Variants in GSN observed in about 807,000 individuals in gnomAD.
GSN encodes the protein gelsolin, also known as actin-depolymerizing factor.
Under a neutral mutation model 85.7 loss-of-function variants are expected in GSN, and 56 were observed. The observed-to-expected ratio is 0.65, with a 90% CI of 0.53 to 0.82. The LOEUF (loss-of-function observed/expected upper bound fraction) is 0.82, where lower values mean the gene tolerates loss of function less well. Among genes scored for constraint, GSN ranks in the 40% least tolerant of loss-of-function variants. GSN has a pLI of 0.00. For synonymous variants in GSN, 373 were observed against 399.1 expected (o/e 0.93, Z 0.78); for missense variants, 857 against 979.8 (o/e 0.87, Z 1.67).
chr9:121,232,350 A>G (rs912983263), intron 5 of GSN, among the ~76,000 whole-genome samples: 2 of 152,172 alleles, frequency 1.3e-5, no homozygotes, highest in Admixed American at 6.5e-5. Flanking sequence ...CCTCACTATG[A>G]TTGCAAAAAT....
intron 12 of GSN, among the ~76,000 whole-genome samples, chr9:121,326,307 A>G (rs2063157871): frequency 6.6e-6 from 1 of 152,072 alleles, no homozygotes; most frequent in African/African-American, 2.4e-5. Flanking sequence ...GCCCAGCAGC[A>G]GTGCCCTGGG....
upstream of GSN, among the ~76,000 whole-genome samples, chr9:121,206,078 C>A (rs1178827961): frequency 6.6e-6 from 1 of 151,718 alleles, no homozygotes; most frequent in East Asian, 1.9e-4. Flanking sequence ...TGTCCCAATT[C>A]CTGAAGCAGT....
chr9:121,244,885 C>A (rs2054669209), intron 5 of GSN, among the ~76,000 whole-genome samples: 2 of 151,624 alleles, frequency 1.3e-5, no homozygotes, highest in African/African-American at 4.8e-5. Flanking sequence ...TAAAATATTC[C>A]CATAGCAAAA....
chr9:121,310,885 G>T, intron 5 of GSN, 40 bp downstream of exon 5: 1 of 1,604,084 alleles, frequency 6.2e-7, no homozygotes, highest in South Asian at 1.1e-5. Context: ...CCACTGAGGT[G>T]CTCCTGGTCT....
At chr9:121,302,318 C>T (rs1412461460) in intron 3 of GSN, 151 bp downstream of exon 3, 2 of 884,300 alleles carry the variant, frequency 2.3e-6, no homozygotes, top group Non-Finnish European at 3.6e-6. Context: ...ACGCTAGAGC[C>T]AGCCTGGCCA....
intron 4 of GSN, among the ~76,000 whole-genome samples, chr9:121,215,142 T>C (rs760128327): frequency 6.6e-6 from 1 of 151,956 alleles, no homozygotes; most frequent in Admixed American, 6.6e-5. Context: ...GTCATTGTCA[T>C]ATGGCTGTCT....
intron 2 of GSN, among the ~76,000 whole-genome samples, chr9:121,297,244 T>C (rs1392948320): frequency 6.6e-6 from 1 of 152,262 alleles, no homozygotes; most frequent in Admixed American, 6.5e-5. Context: ...AAGTTTCAAA[T>C]GCTACGGCAA....
upstream of GSN, chr9:121,265,143 T>G (rs1328959084): frequency 6.6e-6 from 1 of 152,276 alleles, no homozygotes; most frequent in East Asian, 1.9e-4. Flanking sequence ...TGTCTCATCC[T>G]CTGCTTCTAG....
At chr9:121,201,525 C>T in the GSN span, 4 of 152,332 alleles carry the variant, frequency 2.6e-5, no homozygotes, top group Non-Finnish European at 5.9e-5. Flanking sequence ...GGGGCCTGGC[C>T]CCGGGGCGCC....
chr9:121,267,054 C>G (rs2055243292), upstream of GSN, among the ~76,000 whole-genome samples: 1 of 152,132 alleles, frequency 6.6e-6, no homozygotes, highest in Admixed American at 6.5e-5. Context: ...GGAGCTTTAC[C>G]CTGGCTGAAC....
At chr9:121,319,531 C>CG (rs1455368627) in intron 10 of GSN, among the ~76,000 whole-genome samples, 1 of 150,524 alleles carries the variant, frequency 6.6e-6, no homozygotes, top group African/African-American at 2.4e-5. Context: ...CTATGTTGCC[C>CG]GGGCTAATTT....
In GSN at chr9:121,321,368, A is replaced by G; in HGVS notation, c.1292A>G (p.His431Arg). ...DSYIILYNYR[H>R]GGRQGQIIYN... ...TACATCATTCTGTACAACTACCGCC[A>G]TGGTGGCCGCCAGGGGCAGATAATC... Residue 431 changes from histidine (H) to arginine (R), a missense_variant, in exon 11 of 18, where the codon CAT becomes CGT. Coordinates refer to ENST00000432226, the MANE Select transcript of GSN (RefSeq NM_198252.3). 6.2e-7 allele frequency: 1 copy of G among 1,614,102 alleles called. No individual in the cohort carries two copies. The highest frequency in any genetic ancestry group is 8.5e-7 in the Non-Finnish European group (1 of 1,179,966).
Position 121,310,811 on chromosome 9 carries a change from A to C in GSN, c.479A>C (p.Asn160Thr), listed in dbSNP as rs770494341. The change falls in exon 5 of 18, where the codon AAC becomes ACC. Residue 160 changes from asparagine to threonine, a missense_variant. Physicochemically the swap from Asn to Thr is moderately conservative, Grantham distance 65 (BLOSUM62 0). Coordinates refer to ENST00000432226, the MANE Select transcript of GSN (RefSeq NM_198252.3). ...TEVPVSWESF[N>T]NGDCFILDLG... ...GTACCTGTGTCCTGGGAGAGCTTCA[A>C]CAATGGCGACTGCTTCATCCTGGAC... 1 of 1,614,152 alleles carries C rather than the reference A, an allele frequency of 6.2e-7. No individual in the cohort carries two copies. Among genetic ancestry groups the C allele is most frequent in the East Asian group, 2.2e-5 (1 of 44,880 alleles).
chr9:121,272,580 C>T (rs572897296), intron 1 of GSN, among the ~76,000 whole-genome samples: 11 of 152,298 alleles, frequency 7.2e-5, no homozygotes, highest in African/African-American at 2.6e-4. Flanking sequence ...TTAATCTTTT[C>T]GGACTGAATT....
chr9:121,303,744 G>C (rs1255354616), intron 4 of GSN, among the ~76,000 whole-genome samples: 2 of 152,206 alleles, frequency 1.3e-5, no homozygotes, highest in African/African-American at 2.4e-5. Flanking sequence ...TTGGTGTGGG[G>C]GTGGCTGGGA....
At chr9:121,214,521 ATATAT>A (rs1386581616) in intron 4 of GSN, among the ~76,000 whole-genome samples, 1 of 152,230 alleles carries the variant, frequency 6.6e-6, no homozygotes, top group East Asian at 1.9e-4. Flanking sequence ...AGTGTACAAA[ATATAT>A]TAATAATAAA....
In GSN at chr9:121,299,272, G is replaced by A. The variant is rs1202680694; in HGVS notation, c.-9-2691G>A. 1 of 985,060 alleles carries A rather than the reference G, an allele frequency of 1.0e-6. No homozygotes were observed. Among genetic ancestry groups the A allele is most frequent in the Non-Finnish European group, 1.2e-6 (1 of 829,676 alleles). The allele number at this position is 985,060 out of a possible 1,614,324, so 61.0% of individuals were successfully genotyped here. On this transcript the variant is annotated intron_variant, in intron 2 of 17. Transcript: ENST00000432226. This position sits in a 1 kb window ranked among gnomAD's most constrained non-coding sequence, Gnocchi z 4.2. ...GTCCTGCCGGCTTCACCTGCCCACG[G>A]GAGCCGGGTCCCCTGCCCTGCTGCG...
At chr9:121,288,840 A>C (rs976604698) in intron 2 of GSN, among the ~76,000 whole-genome samples, 2 of 152,220 alleles carry the variant, frequency 1.3e-5, no homozygotes, top group African/African-American at 4.8e-5. Context: ...GTCTGTCACA[A>C]AACAGACATC....
intron 1 of GSN, among the ~76,000 whole-genome samples, chr9:121,279,449 C>G (rs1007539430): frequency 9.2e-5 from 14 of 151,654 alleles, no homozygotes; most frequent in Non-Finnish European, 1.9e-4. Context: ...GGTGATGGGG[C>G]TATGGACCCA....
Sources: gnomAD v4.1 joint callset for allele counts (sites outside exome capture counted in the v4.1 genomes callset) on GRCh38, gnomAD v4.1.1 for gene constraint, Gnocchi (gnomAD v3.1) non-coding constraint, MANE v1.5 for transcripts, NCBI Gene and HGNC (gene_info 2026-07-23, HGNC 2026-07-21) for gene names.